The following NR3C1 variants were observed in gnomAD, a reference collection of about 807,000 sequenced individuals.
NR3C1 encodes glucocorticoid receptor.
In NR3C1, 14 loss-of-function variants were observed where a neutral mutation model predicts 74.0. That is an observed-to-expected ratio of 0.19 (90% CI 0.12 to 0.30). The LOEUF is 0.30. Among genes scored for constraint, NR3C1 ranks in the 10% least tolerant of loss-of-function variants. The pLI is 1.00. For missense variants in NR3C1, 695 were observed against 909.8 expected, an observed-to-expected ratio of 0.76 and a Z score of 3.04; for synonymous variants, 308 against 332.5, an observed-to-expected ratio of 0.93 and a Z score of 0.80.
At chr5:143,341,490 C>T (rs1254708542) in intron 2 of NR3C1, among the ~76,000 whole-genome samples, 1 of 152,204 alleles carries the variant, frequency 6.6e-6, no homozygotes, top group Non-Finnish European at 1.5e-5. Flanking sequence ...AATAGAAATA[C>T]ATCTACCACT....
chr5:143,372,256 C>T (rs1031542643), intron 2 of NR3C1, among the ~76,000 whole-genome samples: 1 of 152,158 alleles, frequency 6.6e-6, no homozygotes, highest in Non-Finnish European at 1.5e-5. Flanking sequence ...AAGCAATTTA[C>T]AGCTTCTCTT....
At chr5:143,369,025 T>C (rs529417319) in intron 2 of NR3C1, among the ~76,000 whole-genome samples, 1 of 152,122 alleles carries the variant, frequency 6.6e-6, no homozygotes, top group Non-Finnish European at 1.5e-5. Context: ...ATTAGTACAT[T>C]AACTCATGAA....
At chr5:143,282,756 A>G (rs958165713) in intron 7 of NR3C1, 31 bp from the exon 8 acceptor site, 8 of 1,564,136 alleles carry the variant, frequency 5.1e-6, no homozygotes, top group South Asian at 1.2e-5. Flanking sequence ...CAGTTAAAGG[A>G]TTTTCTTTTT....
At position 143,282,619 on chromosome 5, in the gene NR3C1, C is replaced by G. The variant is rs1251767755; in HGVS notation, c.2130G>C (p.Gln710His). The G allele has an allele frequency of 1.2e-6, 2 of 1,613,892 alleles. No individual in the cohort carries two copies. The highest frequency in any genetic ancestry group is 2.7e-5 in the African/African-American group (2 of 74,904). ...AIVKREGNSS[Q>H]NWQRFYQLTK... ...TCAGTTGATAAAACCGCTGCCAGTT[C>G]TGGCTGGAGTTTCCTTCCCTCTTGA... Residue 710 changes from glutamine to histidine, a missense_variant, in exon 8 of 9, where the codon CAG becomes CAC. Transcript: ENST00000394464.
chr5:143,414,751 T>TG (rs1233302948), intron 1 of NR3C1, among the ~76,000 whole-genome samples: 3 of 152,138 alleles, frequency 2.0e-5, no homozygotes, highest in Admixed American at 6.5e-5. Context: ...GGATGAAGTG[T>TG]GAAAAAAAAG....
chr5:143,288,332 G>C (rs1009450456), intron 7 of NR3C1, among the ~76,000 whole-genome samples: 2 of 151,860 alleles, frequency 1.3e-5, no homozygotes, highest in African/African-American at 4.8e-5. Context: ...TGTTGGTCAG[G>C]CTGGTCTCGA....
intron 1 of NR3C1, among the ~76,000 whole-genome samples, chr5:143,411,726 A>G (rs750787884): frequency 1.2e-4 from 19 of 152,214 alleles, no homozygotes; most frequent in Non-Finnish European, 2.5e-4. Context: ...ATATGTAAAA[A>G]TTATAAAACA....
chr5:143,417,408 T>A (rs1332567840), intron 1 of NR3C1, among the ~76,000 whole-genome samples: 1 of 152,160 alleles, frequency 6.6e-6, no homozygotes, highest in Non-Finnish European at 1.5e-5. Flanking sequence ...TAGACATTTA[T>A]TTACTTATTA....
At position 143,367,358 on chromosome 5, in the gene NR3C1, G is replaced by A. The variant is rs560774664; in HGVS notation, c.1184+32298C>T. Among the ~76,000 whole-genome samples the A allele has an allele frequency of 2.0e-5, 3 of 152,290 alleles. No homozygotes were observed. The East Asian group carries it at 5.8e-4, about 29-fold the overall frequency. Reference sequence around the variant, plus strand: ...ACAAGATGAAGACCAACACAAAGATGCTCATTCTCACCACTGCTATTCAAC... The same window carrying A: ...ACAAGATGAAGACCAACACAAAGATACTCATTCTCACCACTGCTATTCAAC... On this transcript the variant is annotated intron_variant, in intron 2 of 8. Transcript: ENST00000394464.
rs1161158566 is a variant in NR3C1 at position 143,279,152 on chromosome 5, A to G, written c.*2737T>C. On this transcript the variant is annotated 3_prime_UTR_variant, in exon 9 of 9. Coordinates refer to ENST00000394464, the MANE Select transcript of NR3C1 (RefSeq NM_000176.3). ...ATCTGCTTTCAAACAGCACCACCAT[A>G]TAGCACTTAAATCCACAATTAAACA... The G allele has an allele frequency of 1.8e-6, 1 of 570,814 alleles. No individual in the cohort carries two copies. The highest frequency in any genetic ancestry group is 2.5e-5 in the South Asian group (1 of 39,900). The allele number at this position is 570,814 out of a possible 1,614,324, so 35.4% of individuals were successfully genotyped here.
chr5:143,281,689 G>T lies in NR3C1; in HGVS notation c.*200C>A. The stretch of plus-strand genomic sequence containing the variant: ...TTTCACCATCTACTCTCCCATCACT[G>T]AAAAGTGATGACGACTCAACTGCTT... On this transcript the variant is annotated 3_prime_UTR_variant, in exon 9 of 9. Transcript: ENST00000394464. 1 of 564,850 alleles carries T rather than the reference G, an allele frequency of 1.8e-6. No individual in the cohort carries two copies. Among genetic ancestry groups the T allele is most frequent in the Non-Finnish European group, 3.1e-6 (1 of 318,464 alleles). The allele number at this position is 564,850 out of a possible 1,614,324, so 35.0% of individuals were successfully genotyped here.
chr5:143,381,058 C>G (rs72801085), intron 2 of NR3C1, among the ~76,000 whole-genome samples: 25 of 151,956 alleles, frequency 1.6e-4, no homozygotes, highest in Non-Finnish European at 2.8e-4. Flanking sequence ...AAAGACTCCA[C>G]CAAAAAAATA....
chr5:143,371,113 A>G (rs1404883992), intron 2 of NR3C1, among the ~76,000 whole-genome samples: 2 of 152,148 alleles, frequency 1.3e-5, no homozygotes, highest in Non-Finnish European at 2.9e-5. Context: ...AAAGGGGGAA[A>G]TTTTGTTTTA....
At chr5:143,424,989 A>G (rs1600684497) in intron 1 of NR3C1, among the ~76,000 whole-genome samples, 1 of 152,318 alleles carries the variant, frequency 6.6e-6, no homozygotes, top group East Asian at 1.9e-4. Context: ...ACGTACTACT[A>G]CTTACATACT....
chr5:143,305,656 G>A (rs1365697912), intron 4 of NR3C1, among the ~76,000 whole-genome samples: 1 of 152,082 alleles, frequency 6.6e-6, no homozygotes, highest in African/African-American at 2.4e-5. Context: ...CAAATACCAT[G>A]TTCTCATTTA....
chr5:143,311,788 G>GTT (rs34827388), intron 3 of NR3C1, among the ~76,000 whole-genome samples: 31 of 119,390 alleles, frequency 2.6e-4, no homozygotes, highest in African/African-American at 9.0e-4. Flanking sequence ...CCTGGATAAC[G>GTT]TTTTTTTTTT....
intron 1 of NR3C1, among the ~76,000 whole-genome samples, chr5:143,412,264 AG>A (rs60091375): frequency 5.6e-5 from 2 of 35,780 alleles, no homozygotes; most frequent in African/African-American, 1.2e-4. Flanking sequence ...CTCAAAGTGC[AG>A]GGGGGGAGGG....
chr5:143,300,126 C>T lies in NR3C1; in HGVS notation c.1747+359G>A, dbSNP rs1818193216. 1.3e-5 allele frequency among the ~76,000 whole-genome samples: 2 copies of T among 152,150 alleles called. No homozygotes were observed. Among genetic ancestry groups the T allele is most frequent in the African/African-American group, 4.8e-5 (2 of 41,416 alleles). ...GATGTTTACCAATCTTACAAACAAC[C>T]TGATTTTTAAAAGTGGCACAATGAA... On this transcript the variant is annotated intron_variant, in intron 5 of 8. Coordinates refer to ENST00000394464, the MANE Select transcript of NR3C1 (RefSeq NM_000176.3). The surrounding 1 kb of genome is among the most constrained non-coding windows in gnomAD (Gnocchi z 5.2).
At chr5:143,287,135 AAAAAGAGGAACAAATT>A (rs1221671473) in intron 7 of NR3C1, among the ~76,000 whole-genome samples, 1 of 152,096 alleles carries the variant, frequency 6.6e-6, no homozygotes, top group African/African-American at 2.4e-5. Context: ...CTTAAACTAG[AAAAAGAGGAACAAATT>A]AAATGAAAAG....
Sources: gnomAD v4.1 joint callset for allele counts (sites outside exome capture counted in the v4.1 genomes callset) on GRCh38, gnomAD v4.1.1 for gene constraint, Gnocchi (gnomAD v3.1) non-coding constraint, MANE v1.5 for transcripts, NCBI Gene and HGNC (gene_info 2026-07-23, HGNC 2026-07-21) for gene names.